TRPC7: variants seen among roughly 807,000 people sequenced by gnomAD.
TRPC7 encodes transient receptor potential cation channel subfamily C member 7.
TRPC7 carries 42 observed loss-of-function variants against 90.1 expected under a neutral mutation model. That is an observed-to-expected ratio of 0.47 (90% CI 0.36 to 0.60). TRPC7 has a LOEUF of 0.60. TRPC7 is among the 20% of genes least tolerant of loss of function. The pLI is 0.00. For missense variants in TRPC7, 955 were observed against 1,112.3 expected (o/e 0.86, Z 2.01); for synonymous variants, 451 against 436.3 (o/e 1.03, Z -0.42).
At chr5:136,246,022 G>A (rs939784725) in intron 7 of TRPC7, among the ~76,000 whole-genome samples, 1 of 152,142 alleles carries the variant, frequency 6.6e-6, no homozygotes, top group Admixed American at 6.5e-5. Flanking sequence ...CCTGCCCCGT[G>A]CCCATCCCCA....
chr5:136,331,949 A>C (rs1183339335), intron 2 of TRPC7, among the ~76,000 whole-genome samples: 1 of 151,988 alleles, frequency 6.6e-6, no homozygotes, highest in Non-Finnish European at 1.5e-5. Flanking sequence ...GGGGTATAGG[A>C]ACTGCAGAGG....
intron 1 of TRPC7, among the ~76,000 whole-genome samples, chr5:136,359,768 A>C (rs1760509439): frequency 7.3e-6 from 1 of 136,544 alleles, no homozygotes; most frequent in South Asian, 2.4e-4. Context: ...AAGGCCTGTC[A>C]TCTGGGCACA....
intron 7 of TRPC7, among the ~76,000 whole-genome samples, chr5:136,241,514 TCA>T (rs1479651287): frequency 6.6e-6 from 1 of 151,664 alleles, no homozygotes; most frequent in Non-Finnish European, 1.5e-5. Context: ...AGCTGTCCCA[TCA>T]CAGTCACCAG....
intron 3 of TRPC7, among the ~76,000 whole-genome samples, chr5:136,307,286 T>C (rs1758669875): frequency 6.6e-6 from 1 of 152,080 alleles, no homozygotes; most frequent in Non-Finnish European, 1.5e-5. Flanking sequence ...CAACTCCCCA[T>C]TCCCTCCCTC....
intron 5 of TRPC7, among the ~76,000 whole-genome samples, chr5:136,264,907 A>G (rs528868675): frequency 1.3e-5 from 2 of 152,218 alleles, no homozygotes; most frequent in Admixed American, 1.3e-4. Context: ...CTGGTTTTAT[A>G]AAGTCCCTGG....
chr5:136,246,148 C>G (rs1756329738), intron 7 of TRPC7, among the ~76,000 whole-genome samples: 1 of 152,212 alleles, frequency 6.6e-6, no homozygotes, highest in South Asian at 2.1e-4. Context: ...GCACCCCTAG[C>G]AGCTACTTCT....
rs534728401 is a variant in TRPC7, at chr5:136,338,037, G to T, written c.780+18571C>A. On this transcript the variant is annotated intron_variant, in intron 2 of 11. Transcript: ENST00000513104. ...GTAAGTGCGTCGTATTCTAACCATG[G>T]GAGGGAATGGTGGGGAGAGAGAGAG... Among the ~76,000 whole-genome samples the T allele has an allele frequency of 2.0e-5, 3 of 152,234 alleles. No homozygotes were observed. In the South Asian group the frequency reaches 6.2e-4, roughly 32 times the overall value.
chr5:136,232,261 G>A (rs1007259775), intron 7 of TRPC7, among the ~76,000 whole-genome samples: 11 of 152,270 alleles, frequency 7.2e-5, no homozygotes, highest in Middle Eastern at 3.4e-3. Flanking sequence ...CACAGCCCAC[G>A]TGAAGGGGAG....
intron 5 of TRPC7, among the ~76,000 whole-genome samples, chr5:136,265,908 T>A (rs1263561906): frequency 6.6e-6 from 1 of 152,210 alleles, no homozygotes; most frequent in Non-Finnish European, 1.5e-5. Flanking sequence ...GTAGACTATA[T>A]TTAAATGATC....
At chr5:136,228,847 T>A (rs189321973) in intron 8 of TRPC7, among the ~76,000 whole-genome samples, 89 of 152,264 alleles carry the variant, frequency 5.8e-4, no homozygotes, top group African/African-American at 1.9e-3. Context: ...GAGGGAGGTG[T>A]GGGGCTGTAA....
intron 2 of TRPC7, among the ~76,000 whole-genome samples, chr5:136,318,965 C>T (rs1292854801): frequency 6.6e-6 from 1 of 152,100 alleles, no homozygotes; most frequent in African/African-American, 2.4e-5. Flanking sequence ...AAAGCCTGAC[C>T]TTGGTTGGGT....
chr5:136,227,949 C>T (rs189305339), intron 8 of TRPC7, among the ~76,000 whole-genome samples: 2 of 152,314 alleles, frequency 1.3e-5, no homozygotes, highest in East Asian at 3.9e-4. Flanking sequence ...TAGCATAGGC[C>T]TGGTAGTCAA....
chr5:136,363,748 G>A (rs1581000988), intron 1 of TRPC7, among the ~76,000 whole-genome samples: 1 of 152,232 alleles, frequency 6.6e-6, no homozygotes, highest in East Asian at 1.9e-4. Context: ...TAGAGAAGAA[G>A]TTATCCTCAG....
At chr5:136,361,805 A>G (rs925958715) in intron 1 of TRPC7, among the ~76,000 whole-genome samples, 2 of 152,154 alleles carry the variant, frequency 1.3e-5, no homozygotes, top group Non-Finnish European at 1.5e-5. Flanking sequence ...CCAAGAGTAC[A>G]TATTCTGAGT....
intron 7 of TRPC7, 148 bp from the exon 8 acceptor site, chr5:136,231,697 T>C (rs1217171100): frequency 1.4e-6 from 1 of 700,272 alleles, no homozygotes; most frequent in Non-Finnish European, 2.3e-6. Flanking sequence ...CCTGACCTCC[T>C]GGACTCAAGC....
intron 6 of TRPC7, 47 bp downstream of exon 6, chr5:136,251,602 G>T (rs376461149): frequency 6.9e-7 from 1 of 1,458,208 alleles, no homozygotes; most frequent in Non-Finnish European, 9.4e-7. Context: ...CCAGGCCCAC[G>T]TCCCGGAAGC....
intron 7 of TRPC7, among the ~76,000 whole-genome samples, chr5:136,245,188 C>T (rs192028921): frequency 1.8e-4 from 28 of 152,316 alleles, no homozygotes; most frequent in Admixed American, 1.5e-3. Context: ...CCTAGTCTGT[C>T]GGTCCATGGG....
intron 2 of TRPC7, among the ~76,000 whole-genome samples, chr5:136,348,234 C>A (rs1300579704): frequency 2.0e-5 from 3 of 152,242 alleles, no homozygotes; most frequent in Admixed American, 6.5e-5. Context: ...ATGGCAAAGC[C>A]ATGGCTAAGG....
At chr5:136,359,636 G>A (rs1212126992) in intron 1 of TRPC7, among the ~76,000 whole-genome samples, 1 of 152,162 alleles carries the variant, frequency 6.6e-6, no homozygotes, top group Non-Finnish European at 1.5e-5. Flanking sequence ...CACAAATAGT[G>A]TGCAGGCACT....
Sources: gnomAD v4.1 joint callset for allele counts (sites outside exome capture counted in the v4.1 genomes callset) on GRCh38, gnomAD v4.1.1 for gene constraint, MANE v1.5 for transcripts, NCBI Gene and HGNC (gene_info 2026-07-23, HGNC 2026-07-21) for gene names.